RNF133: variants seen among roughly 807,000 people sequenced by gnomAD.
RNF133 encodes ring finger protein 133.
For synonymous variants in RNF133, 153 were observed against 152.1 expected (o/e 1.01, Z -0.04); for missense variants, 469 against 450.5 (o/e 1.04, Z -0.37).
rs757142742 is a variant in RNF133, at chr7:122,698,737, A to T, written c.182T>A (p.Val61Asp). ...HVLSELGETG[V>D]FGRSSTLKRV... ...CTTCAAAGTGGAGCTTCTTCCAAAG[A>T]CTCCAGTCTCTCCCAACTCTGACAA... The change falls in exon 1 of 1, where the codon GTC (valine) becomes GAC (aspartate). Residue 61 changes from valine to aspartate, a missense_variant. Coordinates refer to ENST00000340112, the MANE Select transcript of RNF133 (RefSeq NM_139175.2). 1 of 1,613,322 alleles carries T rather than the reference A, an allele frequency of 6.2e-7. No homozygotes were observed. Among genetic ancestry groups the T allele is most frequent in the Non-Finnish European group, 8.5e-7 (1 of 1,179,636 alleles).
Position 122,698,204 on chromosome 7 carries a change from G to C in RNF133, c.715C>G (p.Leu239Val). The change falls in exon 1 of 1, where the codon CTT (leucine) becomes GTT (valine). Residue 239 changes from leucine to valine, a missense_variant. Transcript: ENST00000340112. Reference sequence around the variant, plus strand: ...TCATCCCCCTCTTTTACTACTCGAAGTTGGAGTTGTCCAAATGTGTTCTGA... The same window carrying C: ...TCATCCCCCTCTTTTACTACTCGAACTTGGAGTTGTCCAAATGTGTTCTGA... ...DLQNTFGQLQ[L>V]RVVKEGDEEI... is the part of the protein sequence containing the mutation. 6.2e-7 allele frequency: 1 copy of C among 1,613,898 alleles called. No homozygotes were observed. Among genetic ancestry groups the C allele is most frequent in the Non-Finnish European group, 8.5e-7 (1 of 1,179,876 alleles).
At position 122,699,002 on chromosome 7, in the gene RNF133, A is replaced by C; in HGVS notation, c.-84T>G. The C allele has an allele frequency of 1.0e-6, 1 of 986,596 alleles. No individual in the cohort carries two copies. The highest frequency in any genetic ancestry group is 2.5e-5 in the East Asian group (1 of 39,698). 61.1% of individuals were successfully genotyped at this position (986,596 alleles called of 1,614,324 possible). On this transcript the variant is annotated 5_prime_UTR_variant, in exon 1 of 1. It adds an upstream start codon to the 5' untranslated region. Coordinates refer to ENST00000340112, the MANE Select transcript of RNF133 (RefSeq NM_139175.2). The stretch of plus-strand genomic sequence containing the variant: ...TAATTTAAAATAACGAAGAGAAAAA[A>C]ATCTTCAGGATACAAACAAGATCCA...
chr7:122,698,686 G>A lies in RNF133; in HGVS notation c.233C>T (p.Pro78Leu). 1.2e-6 allele frequency: 2 copies of A among 1,613,754 alleles called. No homozygotes were observed. The highest frequency in any genetic ancestry group is 1.7e-6 in the Non-Finnish European group (2 of 1,179,814). The change falls in exon 1 of 1, where the codon CCA becomes CTA. Residue 78 changes from proline to leucine, a missense_variant. Coordinates refer to ENST00000340112, the MANE Select transcript of RNF133 (RefSeq NM_139175.2). Reference sequence around the variant, plus strand: ...ACATGCATTTTGGATTTTTCCCTCTGGTGGCACTATAACTCCTGCCACTCT... The same window carrying A: ...ACATGCATTTTGGATTTTTCCCTCTAGTGGCACTATAACTCCTGCCACTCT... ...LKRVAGVIVP[P>L]EGKIQNACNP...
Position 122,699,057 on chromosome 7 carries a change from T to G in RNF133, c.-139A>C, listed in dbSNP as rs1449357560. ...CTTCCAGCATGTTTTTGTAAGAAAT[T>G]CTTAAAGATGGCTTATGAGTTTCAG... On this transcript the variant is annotated 5_prime_UTR_variant, in exon 1 of 1. Transcript: ENST00000340112. 23 of 628,958 alleles carry G rather than the reference T, an allele frequency of 3.7e-5. No individual in the cohort carries two copies. Among genetic ancestry groups the G allele is most frequent in the Non-Finnish European group, 5.5e-6 (2 of 365,688 alleles). 39.0% of individuals were successfully genotyped at this position (628,958 alleles called of 1,614,324 possible). A position where few individuals can be genotyped will look rare whatever the true frequency, so the allele number is the denominator to read the frequency against.
Position 122,698,636 on chromosome 7 carries a change from A to T in RNF133, c.283T>A (p.Ser95Thr), listed in dbSNP as rs150170822. Residue 95 changes from serine to threonine, a missense_variant, in exon 1 of 1, where the codon TCA becomes ACA. Ser to Thr is a moderately conservative substitution (Grantham distance 58). Transcript: ENST00000340112. The stretch of plus-strand genomic sequence containing the variant: ...GCAAGCCAGGTCTCTGAGTACTTTG[A>T]TCGGCTGAAAATGGTATTGGGATTA... ...ACNPNTIFSR[S>T]KYSETWLALI... The T allele has an allele frequency of 6.2e-7, 1 of 1,614,076 alleles. No individual in the cohort carries two copies. Among genetic ancestry groups the T allele is most frequent in the Admixed American group, 1.7e-5 (1 of 60,026 alleles).
chr7:122,699,100 G>A lies in RNF133; in HGVS notation c.-182C>T. ...AGTTTCAGATGTCTTACTAGAGAGA[G>A]GTGAAAAACTTTAGATTGAAAAATA... On this transcript the variant is annotated 5_prime_UTR_variant, in exon 1 of 1. Coordinates refer to ENST00000340112, the MANE Select transcript of RNF133 (RefSeq NM_139175.2). 2 of 551,286 alleles carry A rather than the reference G, an allele frequency of 3.6e-6. No individual in the cohort carries two copies. The highest frequency in any genetic ancestry group is 2.9e-5 in the South Asian group (1 of 34,976). The allele number at this position is 551,286 out of a possible 1,614,324, so 34.1% of individuals were successfully genotyped here.
Position 122,698,848 on chromosome 7 carries a change from A to AG in RNF133, c.70dup (p.Leu24ProfsTer5). 1 of 1,613,416 alleles carries AG rather than the reference A, an allele frequency of 6.2e-7. No individual in the cohort carries two copies. Among genetic ancestry groups the AG allele is most frequent in the Non-Finnish European group, 8.5e-7 (1 of 1,179,594 alleles). Reference sequence around the variant, plus strand: ...GCAACAGTTCTGACTAACAAGCCAAAGAACACTGAACTTCATAAGCCAGGA... The same window carrying AG: ...GCAACAGTTCTGACTAACAAGCCAAAGGAACACTGAACTTCATAAGCCAGGA... On this transcript the variant is annotated frameshift_variant, in exon 1 of 1. Coordinates refer to ENST00000340112, the MANE Select transcript of RNF133 (RefSeq NM_139175.2). LOFTEE classifies it low-confidence loss of function (END_TRUNC).
rs2136208993 is a variant in RNF133, at chr7:122,698,851, A to T, written c.68T>A (p.Val23Asp). 1 of 1,613,184 alleles carries T rather than the reference A, an allele frequency of 6.2e-7. No homozygotes were observed. The highest frequency in any genetic ancestry group is 1.7e-5 in the Admixed American group (1 of 59,938). ...ACAGTTCTGACTAACAAGCCAAAGA[A>T]CACTGAACTTCATAAGCCAGGAAGA... ...TASSWLMKFS[V>D]LWLVSQNCCR... The change falls in exon 1 of 1, where the codon GTT (valine) becomes GAT (aspartate). Residue 23 changes from valine to aspartate, a missense_variant. Coordinates refer to ENST00000340112, the MANE Select transcript of RNF133 (RefSeq NM_139175.2).
Position 122,698,696 on chromosome 7 carries a change from T to A in RNF133, c.223A>T (p.Ile75Leu), listed in dbSNP as rs775016679. Reference sequence around the variant, plus strand: ...TGGATTTTTCCCTCTGGTGGCACTATAACTCCTGCCACTCTCTTCAAAGTG... The same window carrying A: ...TGGATTTTTCCCTCTGGTGGCACTAAAACTCCTGCCACTCTCTTCAAAGTG... ...SSTLKRVAGV[I>L]VPPEGKIQNA... The change falls in exon 1 of 1, where the codon ATA (isoleucine) becomes TTA (leucine). Residue 75 changes from isoleucine to leucine, a missense_variant. Ile to Leu is a conservative substitution (Grantham distance 5). Transcript: ENST00000340112. 6.2e-7 allele frequency: 1 copy of A among 1,613,684 alleles called. No individual in the cohort carries two copies. The highest frequency in any genetic ancestry group is 2.2e-5 in the East Asian group (1 of 44,870).
rs747981010 is a variant in RNF133, at chr7:122,698,497, G to C, written c.422C>G (p.Pro141Arg). The C allele has an allele frequency of 8.1e-6, 13 of 1,613,920 alleles. No individual in the cohort carries two copies. Among genetic ancestry groups the C allele is most frequent in the Non-Finnish European group, 1.1e-5 (13 of 1,179,896 alleles). ...ATCTTCAAATGCCTGATGAAACATGGGGAACACCTGGTTGCCAGTACCTGG... is the reference window on the plus strand; with the variant it reads ...ATCTTCAAATGCCTGATGAAACATGCGGAACACCTGGTTGCCAGTACCTGG... Reference protein sequence around the residue: ...NVPGTGNQVFPMFHQAFEDVV... With the variant: ...NVPGTGNQVFRMFHQAFEDVV... The change falls in exon 1 of 1, where the codon CCC (proline) becomes CGC (arginine). Residue 141 changes from proline (P) to arginine (R), a missense_variant. By Grantham distance (103) the Pro-to-Arg change is moderately radical (BLOSUM62 -2). Transcript: ENST00000340112.
chr7:122,697,966 T>G lies in RNF133; in HGVS notation c.953A>C (p.Gln318Pro). The change falls in exon 1 of 1, where the codon CAA becomes CCA. Residue 318 changes from glutamine (Q) to proline (P), a missense_variant. By Grantham distance (76) the Gln-to-Pro change is moderately conservative. Transcript: ENST00000340112. ...VVVENGTEPL[Q>P]VLMSNELPET... is the part of the protein sequence containing the mutation. The stretch of plus-strand genomic sequence containing the variant: ...AGGCAGTTCATTTGACATTAGAACT[T>G]GCAAAGGTTCTGTTCCATTTTCAAC... The G allele has an allele frequency of 6.2e-7, 1 of 1,613,626 alleles. No homozygotes were observed. Among genetic ancestry groups the G allele is most frequent in the Non-Finnish European group, 8.5e-7 (1 of 1,179,792 alleles).
Position 122,699,095 on chromosome 7 carries a change from A to C in RNF133, c.-177T>G, listed in dbSNP as rs540428066. ...TTATGAGTTTCAGATGTCTTACTAG[A>C]GAGAGGTGAAAAACTTTAGATTGAA... is the stretch of plus-strand genomic sequence containing the variant. On this transcript the variant is annotated 5_prime_UTR_variant, in exon 1 of 1. Transcript: ENST00000340112. 1.1e-5 allele frequency: 6 copies of C among 563,270 alleles called. No individual in the cohort carries two copies. The highest frequency in any genetic ancestry group is 1.6e-5 in the Non-Finnish European group (5 of 315,432). The allele number at this position is 563,270 out of a possible 1,614,324, so 34.9% of individuals were successfully genotyped here.
In RNF133 at chr7:122,698,934, G is replaced by A. The variant is rs761589626; in HGVS notation, c.-16C>T. On this transcript the variant is annotated 5_prime_UTR_variant, in exon 1 of 1. Coordinates refer to ENST00000340112, the MANE Select transcript of RNF133 (RefSeq NM_139175.2). ...GTAGATGCATCTCTCTCTTCTCCGA[G>A]TGACTTAAGAACCAACCTAACAGTT... is the stretch of plus-strand genomic sequence containing the variant. 1.9e-6 allele frequency: 3 copies of A among 1,542,588 alleles called. No individual in the cohort carries two copies. Among genetic ancestry groups the A allele is most frequent in the Non-Finnish European group, 2.6e-6 (3 of 1,147,266 alleles).
chr7:122,698,520 T>A lies in RNF133; in HGVS notation c.399A>T (p.Pro133=), dbSNP rs763299678. 3.7e-6 allele frequency: 6 copies of A among 1,613,974 alleles called. No individual in the cohort carries two copies. The African/African-American group carries it at 6.7e-5, about 18-fold the overall frequency. ...GASGVIIYNV[P]GTGNQVFPMF... ...TGGGGAACACCTGGTTGCCAGTACC[T>A]GGAACGTTATAGATGATCACTCCAC... Residue 133 remains proline, a synonymous_variant, in exon 1 of 1, where the codon CCA becomes CCT. Transcript: ENST00000340112.
In RNF133 at chr7:122,697,845, A is replaced by C. The variant is rs772773754; in HGVS notation, c.1074T>G (p.Ser358=). 6.2e-7 allele frequency: 1 copy of C among 1,610,110 alleles called. No homozygotes were observed. The highest frequency in any genetic ancestry group is 8.5e-7 in the Non-Finnish European group (1 of 1,178,518). The part of the protein sequence containing the change: ...KVIHVEENPT[S]QNNDIQPHSV... The stretch of plus-strand genomic sequence containing the variant: ...AATGAGGCTGGATGTCATTATTCTG[A>C]GAAGTAGGGTTCTCCTCCACATGGA... Residue 358 remains serine (S), a synonymous_variant, in exon 1 of 1, where the codon TCT becomes TCG. Transcript: ENST00000340112.
Position 122,698,845 on chromosome 7 carries a change from C to G in RNF133, c.74G>C (p.Trp25Ser). Reference protein sequence around the residue: ...SSWLMKFSVLWLVSQNCCRAS... With the variant: ...SSWLMKFSVLSLVSQNCCRAS... ...TCTGCAACAGTTCTGACTAACAAGCCAAAGAACACTGAACTTCATAAGCCA... is the reference window on the plus strand; with the variant it reads ...TCTGCAACAGTTCTGACTAACAAGCGAAAGAACACTGAACTTCATAAGCCA... Residue 25 changes from tryptophan (W) to serine (S), a missense_variant, in exon 1 of 1, where the codon TGG becomes TCG. By Grantham distance (177) the Trp-to-Ser change is radical. Coordinates refer to ENST00000340112, the MANE Select transcript of RNF133 (RefSeq NM_139175.2). 1 of 1,613,308 alleles carries G rather than the reference C, an allele frequency of 6.2e-7. No homozygotes were observed. The highest frequency in any genetic ancestry group is 8.5e-7 in the Non-Finnish European group (1 of 1,179,568).
chr7:122,698,790 G>A lies in RNF133; in HGVS notation c.129C>T (p.Asn43=). The A allele has an allele frequency of 1.2e-6, 2 of 1,613,872 alleles. No individual in the cohort carries two copies. The highest frequency in any genetic ancestry group is 1.7e-6 in the Non-Finnish European group (2 of 1,179,820). ...RASVVWMAYM[N]ISFHVGNHVL... ...CATGATTCCCAACATGAAATGATAT[G>A]TTCATATAAGCCATCCAAACAACAC... Residue 43 remains asparagine, a synonymous_variant, in exon 1 of 1, where the codon AAC becomes AAT. Coordinates refer to ENST00000340112, the MANE Select transcript of RNF133 (RefSeq NM_139175.2).
Position 122,699,031 on chromosome 7 carries a change from T to C in RNF133, c.-113A>G. 1 of 708,068 alleles carries C rather than the reference T, an allele frequency of 1.4e-6. No individual in the cohort carries two copies. The highest frequency in any genetic ancestry group is 3.4e-4 in the Middle Eastern group (1 of 2,940). 43.9% of individuals were successfully genotyped at this position (708,068 alleles called of 1,614,324 possible). ...TTCAGGATACAAACAAGATCCACTG[T>C]CTTCCAGCATGTTTTTGTAAGAAAT... On this transcript the variant is annotated 5_prime_UTR_variant, in exon 1 of 1. Coordinates refer to ENST00000340112, the MANE Select transcript of RNF133 (RefSeq NM_139175.2).
Position 122,698,158 on chromosome 7 carries a change from T to TC in RNF133, c.760dup (p.Asp254GlyfsTer2). 6.2e-7 allele frequency: 1 copy of TC among 1,613,982 alleles called. No homozygotes were observed. Among genetic ancestry groups the TC allele is most frequent in the Non-Finnish European group, 8.5e-7 (1 of 1,179,908 alleles). The stretch of plus-strand genomic sequence containing the variant: ...GCGTTCAAAGCAAATTACGCAGCTA[T>TC]CCCCATTTGGATTTATTTCTTCATC... On this transcript the variant is annotated frameshift_variant, in exon 1 of 1. Transcript: ENST00000340112. LOFTEE classifies it low-confidence loss of function (END_TRUNC).
Sources: allele counts gnomAD v4.1 joint callset, GRCh38; gene constraint gnomAD v4.1.1; transcripts MANE v1.5; gene names NCBI Gene and HGNC (gene_info 2026-07-23, HGNC 2026-07-21).